Variants in FAM98B observed in about 807,000 individuals in gnomAD.
FAM98B encodes the protein tRNA splicing ligase complex subunit 3B.
In FAM98B, 32 loss-of-function variants were observed where a neutral mutation model predicts 43.9. The ratio of observed to expected loss-of-function variants is 0.73; its 90% confidence interval spans 0.55 to 0.98. The LOEUF (loss-of-function observed/expected upper bound fraction) is 0.98, where lower values mean the gene tolerates loss of function less well. Among genes scored for constraint, FAM98B ranks in the 50% least tolerant of loss-of-function variants. FAM98B has a pLI of 0.00. For missense variants in FAM98B, 514 were observed against 522.9 expected (o/e 0.98, Z 0.17); for synonymous variants, 190 against 174.0 (o/e 1.09, Z -0.72).
rs200367299 is a variant in FAM98B at position 38,481,571 on chromosome 15, A to G, written c.897+112A>G. The G allele has an allele frequency of 1.9e-5, 30 of 1,612,522 alleles. No homozygotes were observed. In the African/African-American group the frequency reaches 2.9e-4, roughly 16 times the overall value. ...GTCCTGGTAAATGTTTAGAAAAAAG[A>G]GTGGCAGGGGGGTTCAGTCTAGGCT... On this transcript the variant is annotated intron_variant, in intron 7 of 7. Coordinates refer to ENST00000397609, the MANE Select transcript of FAM98B (RefSeq NM_173611.4).
intron 2 of FAM98B, 84 bp downstream of exon 2, chr15:38,464,261 A>C: frequency 1.5e-6 from 2 of 1,314,326 alleles, no homozygotes; most frequent in Non-Finnish European, 2.0e-6. Flanking sequence ...TAATGTGCCC[A>C]CTGTACAAAG....
In FAM98B at chr15:38,470,262, T is replaced by C; in HGVS notation, c.388T>C (p.Leu130=). 1.9e-6 allele frequency: 3 copies of C among 1,554,358 alleles called. No homozygotes were observed. Among genetic ancestry groups the C allele is most frequent in the Non-Finnish European group, 2.6e-6 (3 of 1,145,178 alleles). Residue 130 remains leucine, a synonymous_variant, in exon 4 of 8, where the codon TTA becomes CTA. Coordinates refer to ENST00000397609, the MANE Select transcript of FAM98B (RefSeq NM_173611.4). ...LSTELQASQI[L]QNKKHKNSQL... ...TACAGAACTTCAAGCTTCACAGATA[T>C]TACAGAACAAGAAACATAAAAATTC...
chr15:38,476,298 T>G lies in FAM98B; in HGVS notation c.729+2000T>G, dbSNP rs964474639. On this transcript the variant is annotated intron_variant, in intron 6 of 7. Transcript: ENST00000397609. ...CCTGTTATGTTTCTCTGTAAGCTTT[T>G]GGGCTCTTTATCCTTGGAGTTCTGA... Among the ~76,000 whole-genome samples the G allele has an allele frequency of 2.0e-5, 3 of 152,286 alleles. No individual in the cohort carries two copies. The East Asian group carries it at 5.8e-4, about 29-fold the overall frequency.
At chr15:38,478,706 A>G (rs1036063251) in intron 6 of FAM98B, among the ~76,000 whole-genome samples, 62 of 152,300 alleles carry the variant, frequency 4.1e-4, no homozygotes, top group African/African-American at 1.4e-3. Flanking sequence ...GATTAAGGGA[A>G]ATGATTTTAA....
At chr15:38,470,016 C>T (rs1463360563) in intron 3 of FAM98B, among the ~76,000 whole-genome samples, 1 of 151,840 alleles carries the variant, frequency 6.6e-6, no homozygotes, top group Non-Finnish European at 1.5e-5. Flanking sequence ...TGTTTTTTCT[C>T]ATTTCATTTA....
chr15:38,464,546 T>TAA (rs1402369915), intron 2 of FAM98B, among the ~76,000 whole-genome samples: 1 of 151,998 alleles, frequency 6.6e-6, no homozygotes, highest in Non-Finnish European at 1.5e-5. Flanking sequence ...TATATATATA[T>TAA]AATTCCTAAT....
Position 38,476,294 on chromosome 15 carries a change from CT to C in FAM98B, c.729+2000del, listed in dbSNP as rs1017336232. Reference sequence around the variant, plus strand: ...GTGACCTGTTATGTTTCTCTGTAAGCTTTTGGGCTCTTTATCCTTGGAGTTC... The same window carrying C: ...GTGACCTGTTATGTTTCTCTGTAAGCTTTGGGCTCTTTATCCTTGGAGTTC... On this transcript the variant is annotated intron_variant, in intron 6 of 7. Coordinates refer to ENST00000397609, the MANE Select transcript of FAM98B (RefSeq NM_173611.4). Among the ~76,000 whole-genome samples the C allele has an allele frequency of 2.0e-5, 3 of 152,102 alleles. No individual in the cohort carries two copies. The East Asian group carries it at 5.8e-4, about 29-fold the overall frequency.
chr15:38,465,841 T>C (rs1267645935), intron 3 of FAM98B, among the ~76,000 whole-genome samples: 1 of 152,016 alleles, frequency 6.6e-6, no homozygotes, highest in Non-Finnish European at 1.5e-5. Flanking sequence ...CTTGTTTTGT[T>C]TTTTTTTAAA....
intron 2 of FAM98B, 131 bp downstream of exon 2, chr15:38,464,308 A>G: frequency 2.4e-6 from 2 of 845,278 alleles, no homozygotes; most frequent in Non-Finnish European, 3.3e-6. Context: ...AGTATGTGGT[A>G]GTAAACATTT....
chr15:38,470,410 T>A lies in FAM98B; in HGVS notation c.531+5T>A. 1 of 1,576,868 alleles carries A rather than the reference T, an allele frequency of 6.3e-7. No individual in the cohort carries two copies. The highest frequency in any genetic ancestry group is 8.6e-7 in the Non-Finnish European group (1 of 1,168,790). On this transcript the variant is annotated splice_donor_5th_base_variant and intron_variant, in intron 4 of 7. Transcript: ENST00000397609. ...CTAAACCAAGTGGAATCAAAGGTAT[T>A]ATCTTTGTTTTATTTTCCCCAAAAT... is the stretch of plus-strand genomic sequence containing the variant.
chr15:38,480,623 C>A (rs929341238), intron 6 of FAM98B, among the ~76,000 whole-genome samples: 1 of 151,968 alleles, frequency 6.6e-6, no homozygotes, highest in Non-Finnish European at 1.5e-5. Flanking sequence ...AAACCAACCA[C>A]TCTAAAAGGA....
At chr15:38,458,314 T>C (rs1253218764) in intron 1 of FAM98B, among the ~76,000 whole-genome samples, 1 of 152,234 alleles carries the variant, frequency 6.6e-6, no homozygotes, top group African/African-American at 2.4e-5. Flanking sequence ...ATACCCTTCC[T>C]TTTTCCTTGG....
At chr15:38,481,222 A>G (rs1001254343) in intron 6 of FAM98B, 70 bp from the exon 7 acceptor site, 2 of 1,334,786 alleles carry the variant, frequency 1.5e-6, no homozygotes, top group Non-Finnish European at 1.1e-6. Flanking sequence ...ATTTCTAAAG[A>G]TTATGATTGT....
intron 1 of FAM98B, among the ~76,000 whole-genome samples, chr15:38,463,561 G>A (rs1055746588): frequency 4.7e-5 from 7 of 150,356 alleles, no homozygotes; most frequent in African/African-American, 1.5e-4. Flanking sequence ...AATAAAATAG[G>A]TTTAGATTAA....
chr15:38,484,938 A>G lies in FAM98B; in HGVS notation c.*279A>G. 3.0e-6 allele frequency: 1 copy of G among 333,666 alleles called. No homozygotes were observed. The highest frequency in any genetic ancestry group is 5.2e-6 in the Non-Finnish European group (1 of 191,920). 20.7% of individuals were successfully genotyped at this position (333,666 alleles called of 1,614,324 possible). ...ACAAAAATTATTTTTTAAAATGTAAATATTTATTACCATCAGACTTGGAAA... is the reference window on the plus strand; with the variant it reads ...ACAAAAATTATTTTTTAAAATGTAAGTATTTATTACCATCAGACTTGGAAA... On this transcript the variant is annotated 3_prime_UTR_variant, in exon 8 of 8. Coordinates refer to ENST00000397609, the MANE Select transcript of FAM98B (RefSeq NM_173611.4).
At chr15:38,454,438 G>A (rs913098987) in intron 1 of FAM98B, among the ~76,000 whole-genome samples, 6 of 152,226 alleles carry the variant, frequency 3.9e-5, no homozygotes, top group Non-Finnish European at 7.3e-5. Context: ...GAGAGCTGGG[G>A]TTCGTGGCCC....
At chr15:38,478,328 G>A (rs1319694449) in intron 6 of FAM98B, among the ~76,000 whole-genome samples, 4 of 151,770 alleles carry the variant, frequency 2.6e-5, no homozygotes, top group African/African-American at 9.7e-5. Flanking sequence ...TATTTGGGAA[G>A]GTTTTTAAAA....
rs766876868 is a variant in FAM98B at position 38,465,359 on chromosome 15, T to C, written c.308T>C (p.Ile103Thr). The C allele has an allele frequency of 1.7e-5, 27 of 1,606,278 alleles. No individual in the cohort carries two copies. The East Asian group carries it at 5.8e-4, about 35-fold the overall frequency. The change falls in exon 3 of 8, where the codon ATT (isoleucine) becomes ACT (threonine). Residue 103 changes from isoleucine (I) to threonine (T), a missense_variant. Physicochemically the swap from Ile to Thr is moderately conservative, Grantham distance 89. This residue lies in a region of FAM98B where 469 missense variants were observed against 451.8 expected (regional missense o/e 1.04). Transcript: ENST00000397609. ...CPYSVLISGD[I>T]KDRLKKKEDC... Reference sequence around the variant, plus strand: ...TATTCTGTACTCATATCAGGAGATATTAAAGATCGTTTAAAAAAGAAGGAG... The same window carrying C: ...TATTCTGTACTCATATCAGGAGATACTAAAGATCGTTTAAAAAAGAAGGAG...
intron 3 of FAM98B, among the ~76,000 whole-genome samples, chr15:38,466,864 TACAC>T (rs1299291396): frequency 3.3e-5 from 5 of 152,162 alleles, no homozygotes; most frequent in East Asian, 1.9e-4. Context: ...TCTGTGTACA[TACAC>T]ACAACACTCT....
Sources: gnomAD v4.1 joint callset for allele counts (sites outside exome capture counted in the v4.1 genomes callset) on GRCh38, gnomAD v4.1.1 for gene constraint, gnomAD v4.1.1 regional missense constraint, MANE v1.5 for transcripts, NCBI Gene and HGNC (gene_info 2026-07-23, HGNC 2026-07-21) for gene names.